ARHGAP15: variants seen among roughly 807,000 people sequenced by gnomAD.
The protein encoded by ARHGAP15 is Rho GTPase activating protein 15, also known as rho GTPase-activating protein 15.
ARHGAP15 carries 51 observed loss-of-function variants against 63.7 expected under a neutral mutation model. The ratio of observed to expected loss-of-function variants is 0.80; its 90% CI spans 0.64 to 1.01. The LOEUF (loss-of-function observed/expected upper bound fraction) is 1.01. ARHGAP15 is among the 50% of genes least tolerant of loss of function. The pLI, the probability that ARHGAP15 is intolerant of heterozygous loss-of-function variation, is 0.00. For missense variants in ARHGAP15, 560 were observed against 564.6 expected, an observed-to-expected ratio of 0.99 and a Z score of 0.08; for synonymous variants, 191 against 193.8, an observed-to-expected ratio of 0.99 and a Z score of 0.12.
At chr2:143,133,365 A>G (rs1688986772) in intron 1 of ARHGAP15, among the ~76,000 whole-genome samples, 1 of 152,196 alleles carries the variant, frequency 6.6e-6, no homozygotes, top group Admixed American at 6.5e-5. Context: ...AATAGAGTAG[A>G]CCTGGATATA....
chr2:143,728,531 A>C (rs1685386964), intron 13 of ARHGAP15, among the ~76,000 whole-genome samples: 1 of 152,174 alleles, frequency 6.6e-6, no homozygotes, highest in Non-Finnish European at 1.5e-5. Context: ...TGAGCCCCAA[A>C]CTAAAACCTA....
chr2:143,463,500 A>G (rs2105165694), intron 8 of ARHGAP15, among the ~76,000 whole-genome samples: 1 of 118,356 alleles, frequency 8.4e-6, no homozygotes, highest in Admixed American at 1.2e-4. Context: ...GGATCATGCC[A>G]TTGCATTCCA....
chr2:143,706,007 A>T (rs560194547), intron 13 of ARHGAP15, among the ~76,000 whole-genome samples: 22 of 152,314 alleles, frequency 1.4e-4, no homozygotes, highest in East Asian at 1.3e-3. Context: ...TTAAGATCAG[A>T]TTATTATATC....
intron 5 of ARHGAP15, among the ~76,000 whole-genome samples, chr2:143,233,474 T>G (rs984560460): frequency 2.0e-5 from 3 of 152,100 alleles, no homozygotes; most frequent in Non-Finnish European, 4.4e-5. Flanking sequence ...TTAATATAAC[T>G]GATCTTTTCT....
chr2:143,627,636 G>A (rs1286261554), intron 12 of ARHGAP15, among the ~76,000 whole-genome samples: 1 of 152,010 alleles, frequency 6.6e-6, no homozygotes, highest in South Asian at 2.1e-4. Context: ...AGATCCACTC[G>A]CGAGTTTTCG....
chr2:143,576,081 A>G (rs1017069018), intron 11 of ARHGAP15, among the ~76,000 whole-genome samples: 21 of 152,126 alleles, frequency 1.4e-4, no homozygotes, highest in African/African-American at 5.1e-4. Flanking sequence ...TATTCAAATG[A>G]TATTATAAAA....
chr2:143,397,753 TTAATTTCCAC>T (rs1386902819), intron 6 of ARHGAP15, among the ~76,000 whole-genome samples: 10 of 152,182 alleles, frequency 6.6e-5, no homozygotes, highest in African/African-American at 2.2e-4. Context: ...ACCAACATCA[TTAATTTCCAC>T]TGAGCTGAAA....
At chr2:143,329,422 C>T (rs1369223383) in intron 6 of ARHGAP15, among the ~76,000 whole-genome samples, 1 of 152,120 alleles carries the variant, frequency 6.6e-6, no homozygotes, top group South Asian at 2.1e-4. Flanking sequence ...AGAGGGGTGG[C>T]CTCTGGGAGG....
At chr2:143,181,341 T>A (rs1455762622) in intron 2 of ARHGAP15, among the ~76,000 whole-genome samples, 1 of 152,188 alleles carries the variant, frequency 6.6e-6, no homozygotes, top group Non-Finnish European at 1.5e-5. Flanking sequence ...AAGACACTGA[T>A]AACTAGAGAA....
intron 11 of ARHGAP15, among the ~76,000 whole-genome samples, chr2:143,579,207 A>C (rs1696793644): frequency 6.6e-6 from 1 of 152,210 alleles, no homozygotes; most frequent in Non-Finnish European, 1.5e-5. Flanking sequence ...AATATTTAAG[A>C]GAGCATTTAA....
At chr2:143,468,880 A>AT (rs1256706770) in intron 8 of ARHGAP15, among the ~76,000 whole-genome samples, 1 of 152,186 alleles carries the variant, frequency 6.6e-6, no homozygotes, top group African/African-American at 2.4e-5. Context: ...AAACCAGTCT[A>AT]TTCTGTAGTC....
At chr2:143,158,275 A>G (rs577329662) in intron 2 of ARHGAP15, among the ~76,000 whole-genome samples, 4 of 152,026 alleles carry the variant, frequency 2.6e-5, no homozygotes, top group Admixed American at 6.6e-5. Context: ...CTTAGAACAC[A>G]ATACAAAATT....
At chr2:143,462,773 A>AGATGGATGGATG (rs34875897) in intron 8 of ARHGAP15, among the ~76,000 whole-genome samples, 1 of 152,014 alleles carries the variant, frequency 6.6e-6, no homozygotes, top group African/African-American at 2.4e-5. Context: ...AGATGTAGTA[A>AGATGGATGGATG]GATGGATGGA....
intron 12 of ARHGAP15, among the ~76,000 whole-genome samples, chr2:143,665,033 T>C (rs1165433697): frequency 2.0e-5 from 3 of 151,806 alleles, no homozygotes; most frequent in Admixed American, 1.3e-4. Context: ...TTCCAATCAA[T>C]AGAAAAAGAG....
chr2:143,326,265 C>G (rs1451979221), intron 6 of ARHGAP15, among the ~76,000 whole-genome samples: 2 of 152,062 alleles, frequency 1.3e-5, no homozygotes, highest in African/African-American at 4.8e-5. Context: ...TCCAGTAATC[C>G]TGTGAGTAAA....
intron 5 of ARHGAP15, among the ~76,000 whole-genome samples, chr2:143,232,759 C>T (rs1217101984): frequency 1.3e-5 from 2 of 152,122 alleles, no homozygotes; most frequent in African/African-American, 2.4e-5. Flanking sequence ...TATTTTCAAA[C>T]CTATAGCTAT....
intron 12 of ARHGAP15, among the ~76,000 whole-genome samples, chr2:143,673,629 G>C (rs951210937): frequency 6.7e-6 from 1 of 149,008 alleles, no homozygotes; most frequent in African/African-American, 2.5e-5. Context: ...ATATAAATTG[G>C]ATTTTACAAA....
At chr2:143,530,998 T>C (rs968998111) in intron 10 of ARHGAP15, among the ~76,000 whole-genome samples, 2 of 152,118 alleles carry the variant, frequency 1.3e-5, no homozygotes, top group Non-Finnish European at 2.9e-5. Flanking sequence ...CAAAGAACAA[T>C]GTGGTGAGGA....
Position 143,729,510 on chromosome 2 carries a change from C to T in ARHGAP15, c.1244+25986C>T, listed in dbSNP as rs367798582. Among the ~76,000 whole-genome samples the T allele has an allele frequency of 5.9e-5, 9 of 152,282 alleles. No individual in the cohort carries two copies. In the East Asian group the frequency reaches 1.2e-3, roughly 20 times the overall value. On this transcript the variant is annotated intron_variant, in intron 13 of 13. Transcript: ENST00000295095. Reference sequence around the variant, plus strand: ...AAGTCTTTACCATCATTGCATATTACGCCTACTTCTATTGAAACAGCTACT... The same window carrying T: ...AAGTCTTTACCATCATTGCATATTATGCCTACTTCTATTGAAACAGCTACT...
Sources: gnomAD v4.1 joint callset for allele counts (sites outside exome capture counted in the v4.1 genomes callset) on GRCh38, gnomAD v4.1.1 for gene constraint, MANE v1.5 for transcripts, NCBI Gene and HGNC (gene_info 2026-07-23, HGNC 2026-07-21) for gene names.